RIT2: variants seen among roughly 807,000 people sequenced by gnomAD.
RIT2 encodes the protein GTP-binding protein Rit2.
In RIT2, 24 loss-of-function variants were observed where a neutral mutation model predicts 23.7. The ratio of observed to expected loss-of-function variants is 1.01; its 90% CI spans 0.73 to 1.43. RIT2 has a LOEUF of 1.43. RIT2 is among the 40% of genes most tolerant of loss of function. RIT2 has a pLI of 0.00. For missense variants in RIT2, 236 were observed against 266.9 expected (o/e 0.88, Z 0.81); for synonymous variants, 107 against 91.1 (o/e 1.17, Z -0.99).
chr18:42,996,989 C>A (rs556930453), intron 2 of RIT2, among the ~76,000 whole-genome samples: 14 of 152,260 alleles, frequency 9.2e-5, no homozygotes, highest in African/African-American at 3.4e-4. Flanking sequence ...TTCCCCACAG[C>A]AGCAATTCAT....
intron 2 of RIT2, among the ~76,000 whole-genome samples, chr18:43,016,122 T>C (rs575574176): frequency 2.6e-5 from 4 of 152,014 alleles, no homozygotes; most frequent in African/African-American, 7.2e-5. Context: ...ATTTGTTTAA[T>C]GTACAAAAGC....
rs190299180 is a variant in RIT2 at position 42,898,260 on chromosome 18, G to A, written c.426+25312C>T. Among the ~76,000 whole-genome samples, 17 of 152,258 alleles carry A rather than the reference G, an allele frequency of 1.1e-4. No individual in the cohort carries two copies. In the East Asian group the frequency reaches 3.3e-3, roughly 29 times the overall value. On this transcript the variant is annotated intron_variant, in intron 4 of 4. Coordinates refer to ENST00000326695, the MANE Select transcript of RIT2 (RefSeq NM_002930.4). Reference sequence around the variant, plus strand: ...CTACTAAAAATTAGCTAAGCGTGGTGGCGGGTGCCTGTAGTCCCAGCTACT... The same window carrying A: ...CTACTAAAAATTAGCTAAGCGTGGTAGCGGGTGCCTGTAGTCCCAGCTACT...
At chr18:42,951,139 C>G (rs1009637444) in intron 3 of RIT2, among the ~76,000 whole-genome samples, 1 of 152,012 alleles carries the variant, frequency 6.6e-6, no homozygotes, top group African/African-American at 2.4e-5. Flanking sequence ...TGGCATTATT[C>G]ACAATATCAA....
intron 1 of RIT2, among the ~76,000 whole-genome samples, chr18:43,057,740 G>C (rs149412674): frequency 6.7e-6 from 1 of 149,786 alleles, no homozygotes; most frequent in African/African-American, 2.5e-5. Flanking sequence ...AATAATTATG[G>C]GGCAGCAGAT....
chr18:42,824,471 G>C (rs1027914834), intron 4 of RIT2, among the ~76,000 whole-genome samples: 12 of 151,970 alleles, frequency 7.9e-5, no homozygotes, highest in Non-Finnish European at 1.3e-4. Flanking sequence ...ATTGACAATT[G>C]CAACAGTATG....
intron 4 of RIT2, among the ~76,000 whole-genome samples, chr18:42,773,080 A>C (rs1274147602): frequency 6.6e-6 from 1 of 152,186 alleles, no homozygotes. Context: ...CTCTTCATCC[A>C]AGGAAAAATA....
intron 4 of RIT2, among the ~76,000 whole-genome samples, chr18:42,771,108 C>G (rs989756353): frequency 2.6e-5 from 4 of 152,142 alleles, no homozygotes; most frequent in Admixed American, 2.0e-4. Flanking sequence ...GCTCAAATTA[C>G]ATCAAACTAC....
At chr18:43,022,049 T>G (rs1220244976) in intron 2 of RIT2, among the ~76,000 whole-genome samples, 1 of 152,058 alleles carries the variant, frequency 6.6e-6, no homozygotes, top group Non-Finnish European at 1.5e-5. Flanking sequence ...AGATAAGAAA[T>G]CAGCCTAAAT....
intron 4 of RIT2, among the ~76,000 whole-genome samples, chr18:42,840,673 G>A (rs1047010325): frequency 2.0e-5 from 3 of 152,070 alleles, no homozygotes; most frequent in Non-Finnish European, 2.9e-5. Flanking sequence ...GGCTAATTTT[G>A]TATTTTTAAT....
At position 43,039,711 on chromosome 18, in the gene RIT2, T is replaced by C. The variant is rs141167202; in HGVS notation, c.104-5844A>G. On this transcript the variant is annotated intron_variant, in intron 1 of 4. Coordinates refer to ENST00000326695, the MANE Select transcript of RIT2 (RefSeq NM_002930.4). ...ATGGCATAGATCACATGTGGTTTAA[T>C]TGTACTTTTTGTTGGTACTTTGGCT... Among the ~76,000 whole-genome samples, 786 of 152,264 alleles carry C rather than the reference T, an allele frequency of 5.2e-3. 3 individuals are homozygous for C. Among genetic ancestry groups the C allele is most frequent in the Non-Finnish European group, 8.4e-3 (569 of 68,014 alleles).
chr18:42,837,475 A>T (rs504494), intron 4 of RIT2, among the ~76,000 whole-genome samples: 5,664 of 108,438 alleles, frequency 0.052, 259 homozygotes, highest in African/African-American at 0.14. Context: ...CCTCTTTTTT[A>T]AAAAAAAAAA....
chr18:43,070,370 T>A (rs931198567), intron 1 of RIT2, among the ~76,000 whole-genome samples: 2 of 152,186 alleles, frequency 1.3e-5, no homozygotes, highest in African/African-American at 2.4e-5. Context: ...ACAAAACCTA[T>A]GGTGATCCTC....
chr18:42,990,661 T>A (rs995691078), intron 2 of RIT2, among the ~76,000 whole-genome samples: 3 of 152,252 alleles, frequency 2.0e-5, no homozygotes, highest in East Asian at 1.9e-4. Context: ...TTCTGACAGG[T>A]ACATAATAAG....
At chr18:42,759,423 T>C (rs1205628431) in intron 4 of RIT2, among the ~76,000 whole-genome samples, 1 of 152,082 alleles carries the variant, frequency 6.6e-6, no homozygotes, top group Non-Finnish European at 1.5e-5. Flanking sequence ...CAAGATAATA[T>C]AGTTCTTCAA....
At chr18:42,912,554 T>G (rs1908798047) in intron 4 of RIT2, among the ~76,000 whole-genome samples, 1 of 151,938 alleles carries the variant, frequency 6.6e-6, no homozygotes, top group South Asian at 2.1e-4. Context: ...TGAGGACTAA[T>G]AAGTTTCTCT....
At chr18:42,752,860 G>A (rs1022976471) in intron 4 of RIT2, among the ~76,000 whole-genome samples, 5 of 152,084 alleles carry the variant, frequency 3.3e-5, no homozygotes, top group African/African-American at 9.7e-5. Flanking sequence ...AAGAAGGAAC[G>A]TTTTTGATTT....
In RIT2 at chr18:42,915,151, T is replaced by TACACACAC. The variant is rs71918963; in HGVS notation, c.426+8413_426+8420dup. On this transcript the variant is annotated intron_variant, in intron 4 of 4. Transcript: ENST00000326695. ...GCACCTACATCTATACATATAATTA[T>TACACACAC]ACACACACACACACACACACACACA... Among the ~76,000 whole-genome samples the TACACACAC allele has an allele frequency of 4.6e-3, 667 of 145,950 alleles. 5 individuals are homozygous for TACACACAC. The highest frequency in any genetic ancestry group is 8.3e-3 in the East Asian group (40 of 4,794).
At chr18:43,082,251 A>G (rs1408482416) in intron 1 of RIT2, among the ~76,000 whole-genome samples, 1 of 152,012 alleles carries the variant, frequency 6.6e-6, no homozygotes, top group Admixed American at 6.6e-5. Context: ...CCCATTTATC[A>G]TTTTTTTATT....
At chr18:42,925,670 T>C (rs1267137646) in intron 3 of RIT2, among the ~76,000 whole-genome samples, 1 of 151,774 alleles carries the variant, frequency 6.6e-6, no homozygotes, top group Non-Finnish European at 1.5e-5. Flanking sequence ...TATCTAGTAC[T>C]AATTTAGTTT....
Sources: gnomAD v4.1 joint callset for allele counts (sites outside exome capture counted in the v4.1 genomes callset) on GRCh38, gnomAD v4.1.1 for gene constraint, MANE v1.5 for transcripts, NCBI Gene and HGNC (gene_info 2026-07-23, HGNC 2026-07-21) for gene names.